Variants in C10orf67 observed in about 807,000 individuals in gnomAD.
The protein encoded by C10orf67 is chromosome 10 open reading frame 67.
A neutral mutation model predicts 35.6 loss-of-function variants in C10orf67; 60 were observed. That is an observed-to-expected ratio of 1.68 (90% CI 1.37 to 2.09). The LOEUF is 2.09. C10orf67 is among the 30% of genes most tolerant of loss of function. C10orf67 has a pLI of 0.00. For synonymous variants in C10orf67, 167 were observed against 115.8 expected, an observed-to-expected ratio of 1.44 and a Z score of -2.84; for missense variants, 474 against 330.2, an observed-to-expected ratio of 1.44 and a Z score of -3.38.
intron 8 of C10orf67, among the ~76,000 whole-genome samples, chr10:23,279,660 T>C (rs746899453): frequency 1.4e-4 from 21 of 152,126 alleles, no homozygotes; most frequent in Non-Finnish European, 2.6e-4. Flanking sequence ...ACCCTCTCTT[T>C]TGTTAACTTC....
intron 5 of C10orf67, among the ~76,000 whole-genome samples, chr10:23,294,210 A>G (rs1843810869): frequency 6.6e-6 from 1 of 152,152 alleles, no homozygotes; most frequent in Non-Finnish European, 1.5e-5. Context: ...GCCACTCTTG[A>G]ATGACAGCTC....
chr10:23,233,345 G>A (rs905902696), intron 13 of C10orf67, among the ~76,000 whole-genome samples: 2 of 152,098 alleles, frequency 1.3e-5, no homozygotes, highest in Admixed American at 1.3e-4. Flanking sequence ...GGGCTAATTA[G>A]CAACAAACAA....
chr10:23,296,245 A>G (rs1353813526), intron 5 of C10orf67, among the ~76,000 whole-genome samples: 1 of 152,152 alleles, frequency 6.6e-6, no homozygotes, highest in East Asian at 1.9e-4. Flanking sequence ...GCTCCCATAC[A>G]AAAGGAAGGG....
intron 10 of C10orf67, among the ~76,000 whole-genome samples, chr10:23,262,164 C>T (rs1046081175): frequency 4.6e-5 from 7 of 152,122 alleles, no homozygotes; most frequent in African/African-American, 1.4e-4. Flanking sequence ...GCAGATGTGA[C>T]GATGGCAGTC....
At chr10:23,298,817 A>G (rs977650983) in intron 5 of C10orf67, among the ~76,000 whole-genome samples, 1 of 152,212 alleles carries the variant, frequency 6.6e-6, no homozygotes, top group African/African-American at 2.4e-5. Context: ...TTGATGACAC[A>G]AGGTTTCTGA....
At chr10:23,319,601 T>C (rs1216599677) in intron 4 of C10orf67, among the ~76,000 whole-genome samples, 1 of 152,238 alleles carries the variant, frequency 6.6e-6, no homozygotes, top group Admixed American at 6.5e-5. Flanking sequence ...CCACAGTGGC[T>C]GAACTAATTT....
At chr10:23,221,346 C>T (rs528800711) in intron 15 of C10orf67, among the ~76,000 whole-genome samples, 8 of 152,280 alleles carry the variant, frequency 5.3e-5, no homozygotes, top group African/African-American at 1.7e-4. Flanking sequence ...AATCACCTCC[C>T]ACCAGGCCCC....
At position 23,247,119 on chromosome 10, in the gene C10orf67, GA is replaced by G. The variant is rs537125988; in HGVS notation, c.1346+3335del. 1.2e-3 allele frequency among the ~76,000 whole-genome samples: 182 copies of G among 152,028 alleles called. 1 individual carries two copies. Among genetic ancestry groups the G allele is most frequent in the African/African-American group, 4.2e-3 (173 of 41,486 alleles). ...AGTAAACTAAGGCTAATTTGTTATT[GA>G]AAAAAATATTTTTTTTTTGGTAAAT... On this transcript the variant is annotated intron_variant, in intron 12 of 15. Coordinates refer to ENST00000636213, the MANE Select transcript of C10orf67 (RefSeq NM_001371909.1).
intron 13 of C10orf67, among the ~76,000 whole-genome samples, chr10:23,235,303 T>G (rs2132129132): frequency 6.6e-6 from 1 of 152,188 alleles, no homozygotes; most frequent in African/African-American, 2.4e-5. Flanking sequence ...GAATACAATC[T>G]GCCACAGAAA....
intron 10 of C10orf67, among the ~76,000 whole-genome samples, chr10:23,261,151 T>G (rs1480403897): frequency 6.6e-6 from 1 of 152,016 alleles, no homozygotes; most frequent in Non-Finnish European, 1.5e-5. Context: ...CTTCTTTTTC[T>G]TTTACAGATT....
At chr10:23,293,508 T>A (rs11013368) in intron 5 of C10orf67, among the ~76,000 whole-genome samples, 5,648 of 152,264 alleles carry the variant, frequency 0.037, 329 homozygotes, top group African/African-American at 0.13. Flanking sequence ...CTAGTTTGTG[T>A]TTGCTTAAAC....
intron 15 of C10orf67, among the ~76,000 whole-genome samples, chr10:23,204,609 A>G (rs1227327542): frequency 1.3e-5 from 2 of 152,212 alleles, no homozygotes; most frequent in Non-Finnish European, 2.9e-5. Context: ...AAAAGTGGGA[A>G]GAGTTGTCTG....
At chr10:23,336,838 C>G (rs1845703505) in intron 1 of C10orf67, among the ~76,000 whole-genome samples, 1 of 152,060 alleles carries the variant, frequency 6.6e-6, no homozygotes, top group Admixed American at 6.6e-5. Flanking sequence ...TAAAAACCAT[C>G]CTCCACTAAA....
In C10orf67 at chr10:23,304,532, C is replaced by T. The variant is rs992826682; in HGVS notation, c.547-1073G>A. On this transcript the variant is annotated intron_variant, in intron 4 of 15. Transcript: ENST00000636213. Reference sequence around the variant, plus strand: ...CCTGAAGTAGCCCCGTGACCCAGCTCGAGCCCACTCAGCCATGGTCCAGGA... The same window carrying T: ...CCTGAAGTAGCCCCGTGACCCAGCTTGAGCCCACTCAGCCATGGTCCAGGA... Among the ~76,000 whole-genome samples, 11 of 152,138 alleles carry T rather than the reference C, an allele frequency of 7.2e-5. No individual in the cohort carries two copies. In the South Asian group the frequency reaches 8.3e-4, roughly 12 times the overall value.
intron 2 of C10orf67, among the ~76,000 whole-genome samples, chr10:23,324,003 T>C (rs1364675394): frequency 7.5e-6 from 1 of 133,172 alleles, no homozygotes; most frequent in Non-Finnish European, 1.6e-5. Flanking sequence ...ATTCATAAGG[T>C]TTTTCCCTTT....
chr10:23,323,848 C>T (rs1160346649), intron 2 of C10orf67, among the ~76,000 whole-genome samples: 3 of 132,322 alleles, frequency 2.3e-5, no homozygotes, highest in Non-Finnish European at 4.8e-5. Context: ...GAGCCAAGAT[C>T]GCACCACTGC....
intron 1 of C10orf67, among the ~76,000 whole-genome samples, chr10:23,337,907 T>A (rs1845749601): frequency 6.6e-6 from 1 of 152,216 alleles, no homozygotes; most frequent in Non-Finnish European, 1.5e-5. Flanking sequence ...AGGAAAATCC[T>A]CTCACTGAAT....
chr10:23,246,100 C>G (rs754701622), intron 12 of C10orf67, among the ~76,000 whole-genome samples: 10 of 152,174 alleles, frequency 6.6e-5, no homozygotes, highest in Non-Finnish European at 1.0e-4. Context: ...AACACAGGAA[C>G]AGAAAACCAA....
intron 1 of C10orf67, among the ~76,000 whole-genome samples, chr10:23,337,340 C>G (rs922969720): frequency 3.3e-5 from 5 of 152,108 alleles, no homozygotes; most frequent in Non-Finnish European, 5.9e-5. Context: ...TCGAGACCAG[C>G]CTGGCCAACA....
Sources: gnomAD v4.1 joint callset for allele counts (sites outside exome capture counted in the v4.1 genomes callset) on GRCh38, gnomAD v4.1.1 for gene constraint, MANE v1.5 for transcripts, NCBI Gene and HGNC (gene_info 2026-07-23, HGNC 2026-07-21) for gene names.